KLRB1: variants seen among roughly 807,000 people sequenced by gnomAD.
KLRB1 encodes killer cell lectin-like receptor subfamily B member 1.
In KLRB1, 27 loss-of-function variants were observed where a neutral mutation model predicts 33.5. The observed-to-expected ratio is 0.81, with a 90% CI of 0.59 to 1.11. The LOEUF is 1.11. Ranked by LOEUF, KLRB1 falls within the 50% of genes most tolerant of loss-of-function variation. KLRB1 has a pLI of 0.00. For missense variants in KLRB1, 241 were observed against 254.1 expected (o/e 0.95, Z 0.35); for synonymous variants, 64 against 88.9 (o/e 0.72, Z 1.58).
chr12:9,607,355 C>CT (rs1555097796), intron 1 of KLRB1, among the ~76,000 whole-genome samples: 1 of 52,704 alleles, frequency 1.9e-5, no homozygotes, highest in African/African-American at 5.2e-5. Context: ...TTTCTTTCTT[C>CT]CTTTCTTTCT....
intron 1 of KLRB1, 94 bp downstream of exon 1, chr12:9,607,661 A>T: frequency 1.2e-6 from 1 of 835,830 alleles, no homozygotes; most frequent in Non-Finnish European, 2.0e-6. Flanking sequence ...ACTACTGCTC[A>T]TCTTTAAAGC....
intron 1 of KLRB1, among the ~76,000 whole-genome samples, chr12:9,604,797 G>A (rs1864582027): frequency 6.6e-6 from 1 of 151,888 alleles, no homozygotes; most frequent in Admixed American, 6.6e-5. Context: ...TACTGACTTA[G>A]TTATTTGTTT....
At chr12:9,606,752 ATATATATATTT>A (rs1228111700) in intron 1 of KLRB1, among the ~76,000 whole-genome samples, 119 of 29,854 alleles carry the variant, frequency 4.0e-3, no homozygotes, top group Non-Finnish European at 5.4e-3. Flanking sequence ...ATATATATAT[ATATATATATTT>A]TTTTTTTTTT....
rs1169314149 is a variant in KLRB1, at chr12:9,594,662, AC to A, written c.*611del. The A allele has an allele frequency of 6.6e-6, 1 of 152,220 alleles. No homozygotes were observed. Among genetic ancestry groups the A allele is most frequent in the Non-Finnish European group, 1.5e-5 (1 of 68,066 alleles). The allele number at this position is 152,220 out of a possible 1,614,324, so 9.4% of individuals were successfully genotyped here. A position where few individuals can be genotyped will look rare whatever the true frequency, so the allele number is the denominator to read the frequency against. On this transcript the variant is annotated 3_prime_UTR_variant, in exon 6 of 6. Transcript: ENST00000229402. Reference sequence around the variant, plus strand: ...AGCAAGATGCTTTTATGCTTTTTAGACCAAGAATGATAAATTTGAAAAGAAA... The same window carrying A: ...AGCAAGATGCTTTTATGCTTTTTAGACAAGAATGATAAATTTGAAAAGAAA...
rs1488518313 is a variant in KLRB1 at position 9,595,506 on chromosome 12, A to T, written c.531-85T>A. On this transcript the variant is annotated intron_variant, in intron 5 of 5. Coordinates refer to ENST00000229402, the MANE Select transcript of KLRB1 (RefSeq NM_002258.3). The stretch of plus-strand genomic sequence containing the variant: ...TTAGCCATTATTTCCTAGGACTCTC[A>T]GGAAGCAGTAGAATGATAAACTATT... The T allele has an allele frequency of 8.9e-6, 11 of 1,231,644 alleles. No individual in the cohort carries two copies. The East Asian group carries it at 2.6e-4, about 29-fold the overall frequency. 76.3% of individuals were successfully genotyped at this position (1,231,644 alleles called of 1,614,324 possible).
At chr12:9,606,758 A>ATTTTTTTTTTTTTTTTTTTTTT (rs1285915836) in intron 1 of KLRB1, among the ~76,000 whole-genome samples, 1 of 65,908 alleles carries the variant, frequency 1.5e-5, no homozygotes, top group Non-Finnish European at 2.5e-5. Context: ...ATATATATAT[A>ATTTTTTTTTTTTTTTTTTTTTT]TATTTTTTTT....
Position 9,607,335 on chromosome 12 carries a change from C to CTTTCTTTCTTTCTTT in KLRB1, c.85+419_85+420insAAAGAAAGAAAGAAA, listed in dbSNP as rs1491505010. Among the ~76,000 whole-genome samples the CTTTCTTTCTTTCTTT allele has an allele frequency of 1.2e-3, 81 of 65,264 alleles. 1 individual carries two copies. The highest frequency in any genetic ancestry group is 3.1e-3 in the African/African-American group (75 of 23,986). The allele number at this position is 65,264 out of a possible 152,430, so 42.8% of individuals were successfully genotyped here. ...TTTCTTCTTTTCTTTCTCTTTCTTT[C>CTTTCTTTCTTTCTTT]CTTTCTTTCTTTCTTTCTTCCTTTC... On this transcript the variant is annotated intron_variant, in intron 1 of 5. Transcript: ENST00000229402.
At chr12:9,607,244 C>CTTTT in intron 1 of KLRB1, among the ~76,000 whole-genome samples, 1 of 149,798 alleles carries the variant, frequency 6.7e-6, no homozygotes, top group African/African-American at 2.5e-5. Flanking sequence ...TCCTTCCTTC[C>CTTTT]TCCTTCTCTT....
At chr12:9,607,335 C>CTTTCTTCCTTTCTTTCTTT (rs1491505010) in intron 1 of KLRB1, among the ~76,000 whole-genome samples, 2 of 65,168 alleles carry the variant, frequency 3.1e-5, no homozygotes, top group Non-Finnish European at 7.2e-5. Context: ...CTCTTTCTTT[C>CTTTCTTCCTTTCTTTCTTT]CTTTCTTTCT....
chr12:9,603,153 A>G (rs1488578355), intron 1 of KLRB1, among the ~76,000 whole-genome samples: 4 of 152,186 alleles, frequency 2.6e-5, no homozygotes, highest in Non-Finnish European at 5.9e-5. Context: ...GGAGACTCCA[A>G]GGCCCCAGGG....
At chr12:9,595,572 C>A in intron 5 of KLRB1, 151 bp from the exon 6 acceptor site, 1 of 696,006 alleles carries the variant, frequency 1.4e-6, no homozygotes, top group Admixed American at 2.8e-5. Flanking sequence ...ATGGTATGAA[C>A]TTTTAAGATA....
chr12:9,607,521 A>G (rs927758579), intron 1 of KLRB1: 20 of 430,032 alleles, frequency 4.7e-5, no homozygotes, highest in African/African-American at 2.6e-4. Flanking sequence ...AGGCTCAGTA[A>G]GACAAGTGAT....
chr12:9,602,239 A>G (rs1432926237), intron 1 of KLRB1, among the ~76,000 whole-genome samples: 1 of 152,220 alleles, frequency 6.6e-6, no homozygotes, highest in Non-Finnish European at 1.5e-5. Context: ...ACAACATCGC[A>G]TAGTCTAAAC....
At chr12:9,606,596 A>G (rs922851008) in intron 1 of KLRB1, 5 of 149,280 alleles carry the variant, frequency 3.3e-5, no homozygotes, top group African/African-American at 1.2e-4. Flanking sequence ...TTTTCCAGAA[A>G]GTGTTCCCCT....
At chr12:9,600,134 T>G (rs10771925) in intron 2 of KLRB1, among the ~76,000 whole-genome samples, 2 of 151,990 alleles carry the variant, frequency 1.3e-5, no homozygotes, top group Admixed American at 6.6e-5. Context: ...GCCTACAGTC[T>G]CACCTGAACT....
intron 1 of KLRB1, among the ~76,000 whole-genome samples, chr12:9,602,990 G>A (rs978816069): frequency 1.3e-5 from 2 of 152,154 alleles, no homozygotes; most frequent in East Asian, 1.9e-4. Context: ...ACGGCCCTGA[G>A]GAGATAGAAT....
At chr12:9,602,123 T>C (rs1864552669) in intron 1 of KLRB1, among the ~76,000 whole-genome samples, 2 of 152,166 alleles carry the variant, frequency 1.3e-5, no homozygotes, top group South Asian at 4.1e-4. Context: ...ATCTCCAAGT[T>C]GGGTCTAAGC....
intron 4 of KLRB1, 50 bp downstream of exon 4, chr12:9,598,449 G>T: frequency 6.6e-7 from 1 of 1,523,198 alleles, no homozygotes; most frequent in Non-Finnish European, 9.0e-7. Flanking sequence ...CATTAATATG[G>T]TTTAAAGAAA....
chr12:9,607,415 T>TTCTTTTTTTTCTTTTTG (rs1591659491), intron 1 of KLRB1, among the ~76,000 whole-genome samples: 1 of 103,194 alleles, frequency 9.7e-6, no homozygotes, highest in Non-Finnish European at 2.1e-5. Flanking sequence ...TTTTCTTTCT[T>TTCTTTTTTTTCTTTTTG]TCTTTCTTTC....
Sources: allele counts gnomAD v4.1 joint callset (sites outside exome capture counted in the v4.1 genomes callset), GRCh38; gene constraint gnomAD v4.1.1; transcripts MANE v1.5; gene names NCBI Gene and HGNC (gene_info 2026-07-23, HGNC 2026-07-21).